The following RBFOX1 variants were observed in gnomAD, a reference collection of about 807,000 sequenced individuals.
RBFOX1 encodes the protein RNA binding protein fox-1 homolog 1.
A neutral mutation model predicts 57.7 loss-of-function variants in RBFOX1; 8 were observed. The observed-to-expected ratio is 0.14, with a 90% CI of 0.08 to 0.25. The LOEUF (loss-of-function observed/expected upper bound fraction) is 0.25, where lower values mean the gene tolerates loss of function less well. Ranked by LOEUF, RBFOX1 falls within the 10% of genes least tolerant of loss-of-function variation. RBFOX1 has a pLI of 1.00. For missense variants in RBFOX1, 611 were observed against 548.5 expected (o/e 1.11, Z -1.14); for synonymous variants, 326 against 222.4 (o/e 1.47, Z -4.15).
intron 1 of RBFOX1, among the ~76,000 whole-genome samples, chr16:6,182,933 G>A (rs978128940): frequency 6.6e-6 from 1 of 152,128 alleles, no homozygotes; most frequent in Non-Finnish European, 1.5e-5. Flanking sequence ...TCATTAAAAT[G>A]TGTTTATACT....
chr16:6,953,718 A>G (rs1162254163), intron 3 of RBFOX1, among the ~76,000 whole-genome samples: 1 of 152,210 alleles, frequency 6.6e-6, no homozygotes, highest in Admixed American at 6.5e-5. Flanking sequence ...ACATACATAC[A>G]TATAAATATA....
chr16:7,217,054 T>TCCCTCCCTCCCTCC (rs1603293432), intron 4 of RBFOX1, among the ~76,000 whole-genome samples: 1 of 77,014 alleles, frequency 1.3e-5, no homozygotes, highest in African/African-American at 6.2e-5. Context: ...CCTCCCTCCC[T>TCCCTCCCTCCCTCC]CTCTCTCCCT....
chr16:5,440,165 C>G (rs74327985), intron 1 of RBFOX1, among the ~76,000 whole-genome samples: 5,672 of 152,202 alleles, frequency 0.037, 115 homozygotes, highest in African/African-American at 0.057. Flanking sequence ...AACTAAGAAG[C>G]ATTGTGCAAA....
At chr16:6,794,551 G>A (rs189217310) in intron 3 of RBFOX1, among the ~76,000 whole-genome samples, 3 of 152,206 alleles carry the variant, frequency 2.0e-5, no homozygotes, top group East Asian at 1.9e-4. Context: ...AGTGATTGGT[G>A]CATGGTCATT....
intron 1 of RBFOX1, among the ~76,000 whole-genome samples, chr16:5,396,001 G>C (rs1020350447): frequency 6.6e-6 from 1 of 152,194 alleles, no homozygotes; most frequent in Non-Finnish European, 1.5e-5. Context: ...ACTGTTGCCT[G>C]AATTGTGTAG....
intron 2 of RBFOX1, among the ~76,000 whole-genome samples, chr16:5,510,775 G>A (rs1268146311): frequency 1.3e-5 from 2 of 152,152 alleles, no homozygotes; most frequent in Admixed American, 6.5e-5. Context: ...ACATAATTCA[G>A]TGTGGCGGGG....
intron 3 of RBFOX1, among the ~76,000 whole-genome samples, chr16:6,727,491 A>G: frequency 6.6e-6 from 1 of 151,888 alleles, no homozygotes; most frequent in Middle Eastern, 3.2e-3. Flanking sequence ...CAAAAACTGG[A>G]TTATACGCAA....
intron 4 of RBFOX1, among the ~76,000 whole-genome samples, chr16:7,182,389 T>C (rs2082898707): frequency 6.6e-6 from 1 of 152,210 alleles, no homozygotes; most frequent in Non-Finnish European, 1.5e-5. Context: ...TGAAATGTCC[T>C]CACATTGAAG....
At chr16:6,810,456 G>T (rs1467830283) in intron 3 of RBFOX1, among the ~76,000 whole-genome samples, 2 of 151,954 alleles carry the variant, frequency 1.3e-5, no homozygotes, top group East Asian at 3.9e-4. Flanking sequence ...GCGACACAAA[G>T]GTATCTAATT....
chr16:6,914,866 C>T (rs1046394332), intron 3 of RBFOX1, among the ~76,000 whole-genome samples: 2 of 152,182 alleles, frequency 1.3e-5, no homozygotes, highest in Non-Finnish European at 2.9e-5. Flanking sequence ...CCAAGCTGGG[C>T]AACAGAGCAA....
chr16:6,590,171 C>T (rs1251723328), intron 2 of RBFOX1, among the ~76,000 whole-genome samples: 1 of 152,164 alleles, frequency 6.6e-6, no homozygotes, highest in African/African-American at 2.4e-5. Context: ...CTTCTAAGTT[C>T]ACATGGCATA....
intron 3 of RBFOX1, among the ~76,000 whole-genome samples, chr16:5,613,502 T>C (rs1031034190): frequency 2.0e-5 from 3 of 152,162 alleles, no homozygotes; most frequent in African/African-American, 7.2e-5. Flanking sequence ...ATTTGTGGTC[T>C]AAAACTGAGG....
chr16:6,732,361 C>T (rs1409900118), intron 3 of RBFOX1, among the ~76,000 whole-genome samples: 1 of 152,214 alleles, frequency 6.6e-6, no homozygotes, highest in African/African-American at 2.4e-5. Context: ...CTGACAGATG[C>T]AGCATTCCTT....
At chr16:7,238,995 G>A (rs2093920610) in intron 4 of RBFOX1, among the ~76,000 whole-genome samples, 2 of 152,134 alleles carry the variant, frequency 1.3e-5, no homozygotes, top group Admixed American at 6.5e-5. Flanking sequence ...TGGCTGCATA[G>A]CACCCCACAG....
At chr16:6,732,395 C>T (rs2068856278) in intron 3 of RBFOX1, among the ~76,000 whole-genome samples, 3 of 152,348 alleles carry the variant, frequency 2.0e-5, no homozygotes, top group East Asian at 1.9e-4. Context: ...TTCCCCAAGG[C>T]AGGTGACCTC....
At chr16:7,611,472 G>A (rs1391319622) in intron 10 of RBFOX1, among the ~76,000 whole-genome samples, 1 of 151,998 alleles carries the variant, frequency 6.6e-6, no homozygotes, top group Non-Finnish European at 1.5e-5. Flanking sequence ...CCAGCTACCT[G>A]GGAGGCTGAG....
intron 3 of RBFOX1, among the ~76,000 whole-genome samples, chr16:5,673,946 C>T (rs2050091085): frequency 6.6e-6 from 1 of 152,214 alleles, no homozygotes; most frequent in African/African-American, 2.4e-5. Flanking sequence ...AATGAGGAAG[C>T]CCCATGGGTC....
chr16:6,535,436 C>G (rs889775939), intron 2 of RBFOX1, among the ~76,000 whole-genome samples: 5 of 147,428 alleles, frequency 3.4e-5, no homozygotes, highest in South Asian at 2.2e-4. Context: ...AAAAGAACCC[C>G]TATGCATTTT....
chr16:5,919,607 G>T (rs566668248), intron 4 of RBFOX1, among the ~76,000 whole-genome samples: 1 of 152,148 alleles, frequency 6.6e-6, no homozygotes, highest in African/African-American at 2.4e-5. Context: ...GCCTCCCAAA[G>T]TGCTGGGATT....
Sources: gnomAD v4.1 joint callset for allele counts (sites outside exome capture counted in the v4.1 genomes callset) on GRCh38, gnomAD v4.1.1 for gene constraint, MANE v1.5 for transcripts, NCBI Gene and HGNC (gene_info 2026-07-23, HGNC 2026-07-21) for gene names.